The following AUTS2 variants were observed in gnomAD, a reference collection of about 807,000 sequenced individuals.
AUTS2 encodes autism susceptibility gene 2 protein.
Under a neutral mutation model 112.4 loss-of-function variants are expected in AUTS2, and 17 were observed. The observed-to-expected ratio is 0.15, with a 90% CI of 0.10 to 0.23. AUTS2 has a LOEUF of 0.23. Among genes scored for constraint, AUTS2 ranks in the 10% least tolerant of loss-of-function variants. The pLI is 1.00. For missense variants in AUTS2, 1,510 were observed against 1,701.6 expected (o/e 0.89, Z 1.98); for synonymous variants, 751 against 702.7 (o/e 1.07, Z -1.09).
chr7:69,625,860 GAAGAA>G (rs1004721573), intron 1 of AUTS2, among the ~76,000 whole-genome samples: 6 of 151,836 alleles, frequency 4.0e-5, no homozygotes, highest in African/African-American at 9.7e-5. Context: ...CTGTCTCAAA[GAAGAA>G]AAGAAAAGAA....
chr7:69,622,960 A>G (rs1793745512), intron 1 of AUTS2, among the ~76,000 whole-genome samples: 1 of 152,140 alleles, frequency 6.6e-6, no homozygotes. Flanking sequence ...AGATATATAT[A>G]TATTTGTAGA....
chr7:69,811,932 C>A (rs916210262), intron 1 of AUTS2, among the ~76,000 whole-genome samples: 15 of 152,190 alleles, frequency 9.9e-5, no homozygotes, highest in African/African-American at 3.6e-4. Context: ...TTGGTAAATA[C>A]TGCTTGAATC....
At chr7:70,341,699 A>G (rs1420453191) in intron 4 of AUTS2, among the ~76,000 whole-genome samples, 2 of 152,242 alleles carry the variant, frequency 1.3e-5, no homozygotes, top group Non-Finnish European at 2.9e-5. Flanking sequence ...ATGCTCAGAA[A>G]AGAATTCCCT....
chr7:70,612,344 G>A (rs1340328585), intron 5 of AUTS2, among the ~76,000 whole-genome samples: 3 of 152,178 alleles, frequency 2.0e-5, no homozygotes, highest in Non-Finnish European at 2.9e-5. Context: ...TGTAGAGATA[G>A]CAGATCACTG....
chr7:69,912,346 G>A (rs893929546), intron 2 of AUTS2, among the ~76,000 whole-genome samples: 80 of 128,482 alleles, frequency 6.2e-4, no homozygotes, highest in Non-Finnish European at 9.3e-4. Context: ...GCAGCTGCAT[G>A]TGTGCCCAGG....
At chr7:69,695,079 T>G (rs565094847) in intron 1 of AUTS2, among the ~76,000 whole-genome samples, 53 of 151,916 alleles carry the variant, frequency 3.5e-4, no homozygotes, top group Non-Finnish European at 5.4e-4. Context: ...TCCCAGCGCT[T>G]TGGCAGGCTG....
chr7:70,657,513 G>C (rs1417658206), intron 5 of AUTS2, among the ~76,000 whole-genome samples: 1 of 152,204 alleles, frequency 6.6e-6, no homozygotes, highest in Admixed American at 6.5e-5. Flanking sequence ...TATCTGATTA[G>C]CTAAGCAGCT....
chr7:69,844,669 T>C (rs192526660), intron 1 of AUTS2, among the ~76,000 whole-genome samples: 1 of 151,510 alleles, frequency 6.6e-6, no homozygotes, highest in African/African-American at 2.4e-5. Flanking sequence ...ACACTCAGGG[T>C]TTTTCAAGAA....
intron 5 of AUTS2, among the ~76,000 whole-genome samples, chr7:70,525,170 T>G (rs949576829): frequency 3.9e-5 from 6 of 152,172 alleles, no homozygotes; most frequent in Admixed American, 2.6e-4. Context: ...GGCCTTACCT[T>G]CCTCCTGAGG....
Position 70,208,088 on chromosome 7 carries a change from G to A in AUTS2, c.660+73517G>A, listed in dbSNP as rs185000433. Among the ~76,000 whole-genome samples, 10 of 148,982 alleles carry A rather than the reference G, an allele frequency of 6.7e-5. No individual in the cohort carries two copies. The East Asian group carries it at 2.0e-3, about 30-fold the overall frequency. On this transcript the variant is annotated intron_variant, in intron 4 of 18. Coordinates refer to ENST00000342771, the MANE Select transcript of AUTS2 (RefSeq NM_015570.4). ...AAAAGGAGTGTGTGTATTTTCATAT[G>A]TATTGTATCTGCTTTCTACACATCT...
rs1239652852 is a variant in AUTS2 at position 70,777,193 on chromosome 7, G to T, written c.2004+19G>T. ...AGTCAAGGTCAGTCCGACCTTCGTG[G>T]TGTAGGGAAGAATGGGATGCACATG... is the stretch of plus-strand genomic sequence containing the variant. On this transcript the variant is annotated intron_variant, in intron 14 of 18. Coordinates refer to ENST00000342771, the MANE Select transcript of AUTS2 (RefSeq NM_015570.4). The T allele has an allele frequency of 6.2e-7, 1 of 1,610,906 alleles. No individual in the cohort carries two copies. Among genetic ancestry groups the T allele is most frequent in the Non-Finnish European group, 8.5e-7 (1 of 1,177,094 alleles).
intron 5 of AUTS2, among the ~76,000 whole-genome samples, chr7:70,492,693 C>T (rs1798298136): frequency 6.6e-6 from 1 of 152,132 alleles, no homozygotes; most frequent in South Asian, 2.1e-4. Context: ...TGCAGGGGAT[C>T]ATGTATAGAG....
intron 4 of AUTS2, among the ~76,000 whole-genome samples, chr7:70,194,348 G>A (rs1810060959): frequency 6.6e-6 from 1 of 152,064 alleles, no homozygotes; most frequent in Non-Finnish European, 1.5e-5. Flanking sequence ...AGGCAGAGGT[G>A]GCAGTGAACC....
chr7:70,399,255 G>T (rs994277157), intron 4 of AUTS2, among the ~76,000 whole-genome samples: 2 of 152,014 alleles, frequency 1.3e-5, no homozygotes, highest in Admixed American at 1.3e-4. Flanking sequence ...TTCTCAAAGT[G>T]CTGGGATTAT....
intron 4 of AUTS2, among the ~76,000 whole-genome samples, chr7:70,350,589 T>G (rs1465352061): frequency 1.3e-5 from 2 of 152,106 alleles, no homozygotes; most frequent in Admixed American, 6.5e-5. Flanking sequence ...AAACCCACCC[T>G]CATGATTCAG....
At chr7:70,256,028 CT>C (rs1786850197) in intron 4 of AUTS2, among the ~76,000 whole-genome samples, 1 of 152,126 alleles carries the variant, frequency 6.6e-6, no homozygotes, top group Non-Finnish European at 1.5e-5. Context: ...ACCAGGGCTG[CT>C]TTGTTATGGT....
chr7:70,431,672 C>A (rs1343053740), intron 4 of AUTS2, among the ~76,000 whole-genome samples: 1 of 152,184 alleles, frequency 6.6e-6, no homozygotes, highest in East Asian at 1.9e-4. Flanking sequence ...GGCGTGAGCC[C>A]CGTCACCCGG....
At chr7:69,792,126 A>G (rs1789631227) in intron 1 of AUTS2, among the ~76,000 whole-genome samples, 1 of 152,200 alleles carries the variant, frequency 6.6e-6, no homozygotes, top group South Asian at 2.1e-4. Flanking sequence ...CTTGATTTCT[A>G]GGAACTATCA....
chr7:70,457,712 G>A (rs752108563), intron 5 of AUTS2, among the ~76,000 whole-genome samples: 6 of 152,276 alleles, frequency 3.9e-5, no homozygotes, highest in Middle Eastern at 3.4e-3. Flanking sequence ...CTGCTCAATA[G>A]GGATGTGTCC....
Sources: gnomAD v4.1 joint callset for allele counts (sites outside exome capture counted in the v4.1 genomes callset) on GRCh38, gnomAD v4.1.1 for gene constraint, MANE v1.5 for transcripts, NCBI Gene and HGNC (gene_info 2026-07-23, HGNC 2026-07-21) for gene names.